The following MIER1 variants were observed in gnomAD, a reference collection of about 807,000 sequenced individuals.
MIER1 encodes the protein MIER1 transcriptional regulator.
A neutral mutation model predicts 75.7 loss-of-function variants in MIER1; 40 were observed. The ratio of observed to expected loss-of-function variants is 0.53; its 90% CI spans 0.41 to 0.69. The LOEUF (loss-of-function observed/expected upper bound fraction) is 0.69. MIER1 is among the 30% of genes least tolerant of loss of function. The pLI is 0.00. For missense variants in MIER1, 574 were observed against 680.2 expected (o/e 0.84, Z 1.74); for synonymous variants, 213 against 223.4 (o/e 0.95, Z 0.42).
intron 2 of MIER1, among the ~76,000 whole-genome samples, chr1:66,930,754 C>T (rs551425509): frequency 1.3e-5 from 2 of 152,216 alleles, no homozygotes; most frequent in Middle Eastern, 3.4e-3. Flanking sequence ...CTTCCTCTTG[C>T]GAAGTTTTTT....
intron 3 of MIER1, among the ~76,000 whole-genome samples, chr1:66,944,095 C>T (rs1177519472): frequency 1.3e-5 from 2 of 151,760 alleles, no homozygotes; most frequent in Non-Finnish European, 2.9e-5. Flanking sequence ...TAGTATCTGG[C>T]ATATGGTAAG....
intron 12 of MIER1, 144 bp from the exon 13 acceptor site, chr1:66,981,635 A>G: frequency 1.7e-6 from 1 of 602,986 alleles, no homozygotes; most frequent in East Asian, 2.9e-5. Context: ...AAATATTCAG[A>G]TCCTGGTATG....
chr1:66,959,829 T>C, intron 7 of MIER1, 86 bp downstream of exon 7: 1 of 539,016 alleles, frequency 1.9e-6, no homozygotes, highest in Non-Finnish European at 3.2e-6. Flanking sequence ...TTTTACTAAC[T>C]ATGTATATTG....
chr1:66,980,124 A>G (rs952621383), intron 12 of MIER1, among the ~76,000 whole-genome samples: 24 of 152,150 alleles, frequency 1.6e-4, no homozygotes, highest in African/African-American at 1.9e-4. Flanking sequence ...TTTATTTCCA[A>G]CAATTCCTCA....
intron 12 of MIER1, among the ~76,000 whole-genome samples, chr1:66,978,681 C>CATTATTCACACTGAAT: frequency 6.6e-6 from 1 of 152,194 alleles, no homozygotes; most frequent in Non-Finnish European, 1.5e-5. Context: ...AATGTTCACA[C>CATTATTCACACTGAAT]GTGAGCTACA....
intron 8 of MIER1, among the ~76,000 whole-genome samples, chr1:66,963,805 G>A (rs1239713855): frequency 6.6e-6 from 1 of 151,900 alleles, no homozygotes; most frequent in Non-Finnish European, 1.5e-5. Context: ...CTACTCAGGA[G>A]GCTGAGTCAG....
rs1164734859 is a variant in MIER1 at position 66,986,472 on chromosome 1, A to C, written c.*1572A>C. The stretch of plus-strand genomic sequence containing the variant: ...TCAAGAGCCAATGCCTTTTTAAAAT[A>C]AAGCTTCTGTGGTCTTGTTTTTAAT... On this transcript the variant is annotated 3_prime_UTR_variant, in exon 14 of 14. Transcript: ENST00000401041. The C allele has an allele frequency of 1.9e-6, 3 of 1,607,326 alleles. No homozygotes were observed. In the Admixed American group the frequency reaches 5.0e-5, roughly 27 times the overall value.
intron 3 of MIER1, among the ~76,000 whole-genome samples, chr1:66,945,869 G>A (rs1201019955): frequency 6.6e-6 from 1 of 152,088 alleles, no homozygotes; most frequent in East Asian, 1.9e-4. Flanking sequence ...AAAAAGAATT[G>A]AGACTTTTTT....
At chr1:66,962,979 ATT>A (rs1661561538) in intron 7 of MIER1, 107 bp from the exon 8 acceptor site, 1 of 697,002 alleles carries the variant, frequency 1.4e-6, no homozygotes, top group African/African-American at 1.8e-5. Flanking sequence ...TTGTTTTTGT[ATT>A]TTATGACAGA....
intron 4 of MIER1, 147 bp downstream of exon 4, chr1:66,946,442 T>TCAA: frequency 7.3e-7 from 1 of 1,366,030 alleles, no homozygotes. Context: ...GTGGGATATT[T>TCAA]AAAGTTTGAA....
Position 66,987,828 on chromosome 1 carries a change from C to T in MIER1, c.*2928C>T, listed in dbSNP as rs1052162139. 1 of 152,106 alleles carries T rather than the reference C, an allele frequency of 6.6e-6. No homozygotes were observed. 9.4% of individuals were successfully genotyped at this position (152,106 alleles called of 1,614,324 possible). On this transcript the variant is annotated 3_prime_UTR_variant, in exon 14 of 14. Transcript: ENST00000401041. ...ATATTGCACTACTTTTTCAGTGGTT[C>T]TTGGTCCCCTTTACCACATCTTGGG...
Position 66,984,939 on chromosome 1 carries a change from G to A in MIER1, c.*39G>A, listed in dbSNP as rs1666587732. 2 of 1,526,910 alleles carry A rather than the reference G, an allele frequency of 1.3e-6. No homozygotes were observed. Among genetic ancestry groups the A allele is most frequent in the African/African-American group, 1.4e-5 (1 of 71,702 alleles). The allele number at this position is 1,526,910 out of a possible 1,614,324, so 94.6% of individuals were successfully genotyped here. A position where few individuals can be genotyped will look rare whatever the true frequency, so the allele number is the denominator to read the frequency against. Reference sequence around the variant, plus strand: ...TTTACTTTCTTTGGAGTAAATTCTGGTGTGACTAAAATTTTCAGGGTTGAT... The same window carrying A: ...TTTACTTTCTTTGGAGTAAATTCTGATGTGACTAAAATTTTCAGGGTTGAT... On this transcript the variant is annotated 3_prime_UTR_variant, in exon 14 of 14. Coordinates refer to ENST00000401041, the MANE Select transcript of MIER1 (RefSeq NM_001077700.3).
intron 2 of MIER1, among the ~76,000 whole-genome samples, chr1:66,926,618 T>C (rs1651859087): frequency 6.6e-6 from 1 of 152,196 alleles, no homozygotes; most frequent in Non-Finnish European, 1.5e-5. Flanking sequence ...GGCTAAGTTT[T>C]TTAGATGTAG....
intron 11 of MIER1, among the ~76,000 whole-genome samples, chr1:66,974,525 G>C (rs1664316238): frequency 6.6e-6 from 1 of 151,798 alleles, no homozygotes; most frequent in Admixed American, 6.6e-5. Context: ...AGGGACCCCT[G>C]GAATGATAGC....
intron 7 of MIER1, among the ~76,000 whole-genome samples, chr1:66,962,564 T>G (rs1661471164): frequency 6.6e-6 from 1 of 152,060 alleles, no homozygotes; most frequent in African/African-American, 2.4e-5. Context: ...GTGCCTGTAG[T>G]CCCAGCTACT....
At chr1:66,945,764 T>G (rs1233181605) in intron 3 of MIER1, among the ~76,000 whole-genome samples, 2 of 151,970 alleles carry the variant, frequency 1.3e-5, no homozygotes, top group African/African-American at 2.4e-5. Flanking sequence ...GAGGCTGAGG[T>G]AGAAGGATCG....
At chr1:66,964,508 A>G (rs1311666075) in intron 8 of MIER1, among the ~76,000 whole-genome samples, 11 of 144,810 alleles carry the variant, frequency 7.6e-5, no homozygotes, top group Non-Finnish European at 1.5e-4. Flanking sequence ...GCTGGAGTGC[A>G]ATGGCTCAAT....
At chr1:66,957,695 C>T (rs2101686288) in intron 4 of MIER1, among the ~76,000 whole-genome samples, 1 of 151,224 alleles carries the variant, frequency 6.6e-6, no homozygotes, top group East Asian at 2.0e-4. Flanking sequence ...ATTTCTCCAC[C>T]CTCAAGTTAA....
rs760707009 is a variant in MIER1, at chr1:66,985,755, G to A, written c.*855G>A. On this transcript the variant is annotated 3_prime_UTR_variant, in exon 14 of 14. Transcript: ENST00000401041. ...TTCTAATGAATTTTTAAGTGTTTGTGTAGTAATTAAGTCATATTTCTTATC... is the reference window on the plus strand; with the variant it reads ...TTCTAATGAATTTTTAAGTGTTTGTATAGTAATTAAGTCATATTTCTTATC... 7.3e-6 allele frequency: 7 copies of A among 965,024 alleles called. No homozygotes were observed. Among genetic ancestry groups the A allele is most frequent in the South Asian group, 4.8e-5 (1 of 20,816 alleles). 59.8% of individuals were successfully genotyped at this position (965,024 alleles called of 1,614,324 possible). A position where few individuals can be genotyped will look rare whatever the true frequency, so the allele number is the denominator to read the frequency against.
Sources: allele counts gnomAD v4.1 joint callset (sites outside exome capture counted in the v4.1 genomes callset), GRCh38; gene constraint gnomAD v4.1.1; transcripts MANE v1.5; gene names NCBI Gene and HGNC (gene_info 2026-07-23, HGNC 2026-07-21).